Variants in CCDC60 observed in about 807,000 individuals in gnomAD.
CCDC60 encodes the protein coiled-coil domain containing 60.
Under a neutral mutation model 63.5 loss-of-function variants are expected in CCDC60, and 54 were observed. The ratio of observed to expected loss-of-function variants is 0.85; its 90% CI spans 0.68 to 1.07. The LOEUF is 1.07. Among genes scored for constraint, CCDC60 ranks in the 50% least tolerant of loss-of-function variants. CCDC60 has a pLI of 0.00. For synonymous variants in CCDC60, 206 were observed against 238.8 expected (o/e 0.86, Z 1.27); for missense variants, 651 against 684.3 (o/e 0.95, Z 0.54).
chr12:119,493,349 GA>G (rs768799990), intron 5 of CCDC60, among the ~76,000 whole-genome samples: 66 of 152,200 alleles, frequency 4.3e-4, no homozygotes, highest in Middle Eastern at 3.4e-3. Context: ...ATACCTCAAT[GA>G]GGGCTTTCTA....
chr12:119,522,081 G>C (rs1952543609), intron 9 of CCDC60, among the ~76,000 whole-genome samples: 1 of 152,286 alleles, frequency 6.6e-6, no homozygotes, highest in African/African-American at 2.4e-5. Flanking sequence ...TAGAAGCAAA[G>C]GGTTACCCAC....
At chr12:119,522,441 G>A (rs1002388519) in intron 9 of CCDC60, among the ~76,000 whole-genome samples, 2 of 152,202 alleles carry the variant, frequency 1.3e-5, no homozygotes, top group Non-Finnish European at 2.9e-5. Flanking sequence ...ATCCAGAAGG[G>A]AGCTGCTTGC....
At chr12:119,463,481 A>G (rs996789540) in intron 2 of CCDC60, among the ~76,000 whole-genome samples, 3 of 152,208 alleles carry the variant, frequency 2.0e-5, no homozygotes, top group Admixed American at 6.5e-5. Flanking sequence ...TTTCCTGACC[A>G]CAGTTTCCTT....
At chr12:119,490,057 A>C (rs1183410352) in intron 5 of CCDC60, among the ~76,000 whole-genome samples, 2 of 152,058 alleles carry the variant, frequency 1.3e-5, no homozygotes, top group Non-Finnish European at 2.9e-5. Context: ...CGGCCTCCCA[A>C]AGTATTGGGA....
chr12:119,406,090 G>A (rs1344383934), intron 1 of CCDC60, among the ~76,000 whole-genome samples: 1 of 152,156 alleles, frequency 6.6e-6, no homozygotes. Context: ...AGAATCGCTT[G>A]AACCCGGGAG....
At chr12:119,378,903 G>A (rs919224511) in intron 1 of CCDC60, among the ~76,000 whole-genome samples, 11 of 152,172 alleles carry the variant, frequency 7.2e-5, no homozygotes, top group Middle Eastern at 6.3e-3. Flanking sequence ...CTCTGTACAT[G>A]GTGGGTAAGC....
At chr12:119,400,175 G>C (rs1028299597) in intron 1 of CCDC60, among the ~76,000 whole-genome samples, 1 of 150,160 alleles carries the variant, frequency 6.7e-6, no homozygotes, top group Non-Finnish European at 1.5e-5. Flanking sequence ...TCAGCCTCCC[G>C]AGTAGCTGGG....
chr12:119,505,452 G>C (rs1367295589), intron 7 of CCDC60, 149 bp downstream of exon 7: 5 of 606,542 alleles, frequency 8.2e-6, no homozygotes, highest in Non-Finnish European at 1.4e-5. Context: ...GGACCTCTTT[G>C]TTTTCCCCAG....
rs768617878 is a variant in CCDC60, at chr12:119,522,942, G to A, written c.1044G>A (p.Glu348=). 6.2e-7 allele frequency: 1 copy of A among 1,614,050 alleles called. No individual in the cohort carries two copies. The highest frequency in any genetic ancestry group is 8.5e-7 in the Non-Finnish European group (1 of 1,179,920). ...AAACCATCCTTTTGTGTTTCAGTGA[G>A]AGATCCAGCAGTACAAGTGCAGAAA... The part of the protein sequence containing the change: ...KEMQTTLKSS[E]RSSSTSAESH... Residue 348 remains glutamate, a synonymous_variant, in exon 10 of 14, where the codon GAG becomes GAA. Coordinates refer to ENST00000327554, the MANE Select transcript of CCDC60 (RefSeq NM_178499.5).
intron 1 of CCDC60, among the ~76,000 whole-genome samples, chr12:119,348,611 G>A (rs991343541): frequency 4.6e-5 from 7 of 152,238 alleles, no homozygotes; most frequent in East Asian, 1.9e-4. Flanking sequence ...ATAGAATCTC[G>A]TGAAGATTCA....
rs1950755801 is a variant in CCDC60 at position 119,456,695 on chromosome 12, A to G, written c.171-15299A>G. Among the ~76,000 whole-genome samples, 1 of 152,236 alleles carries G rather than the reference A, an allele frequency of 6.6e-6. No homozygotes were observed. The highest frequency in any genetic ancestry group is 1.5e-5 in the Non-Finnish European group (1 of 68,032). On this transcript the variant is annotated intron_variant, in intron 2 of 13. Transcript: ENST00000327554. The surrounding 1 kb of genome is among the most constrained non-coding windows in gnomAD (Gnocchi z 4.6). ...TTATTTCCTGATGATATGCTAAACA[A>G]GGGGTGGATTATTGATGCCTCCCCT...
chr12:119,358,090 G>C (rs538965237), intron 1 of CCDC60, among the ~76,000 whole-genome samples: 1 of 152,180 alleles, frequency 6.6e-6, no homozygotes, highest in African/African-American at 2.4e-5. Flanking sequence ...GTACCAAGGG[G>C]GATGGTGCTA....
At chr12:119,511,331 C>A (rs1264786781) in intron 7 of CCDC60, among the ~76,000 whole-genome samples, 1 of 152,212 alleles carries the variant, frequency 6.6e-6, no homozygotes, top group East Asian at 1.9e-4. Context: ...ATAATGAAGT[C>A]TTTGTTGATG....
At chr12:119,483,516 T>G (rs1484828038) in intron 4 of CCDC60, among the ~76,000 whole-genome samples, 2 of 152,250 alleles carry the variant, frequency 1.3e-5, no homozygotes, top group Admixed American at 1.3e-4. Flanking sequence ...CCACAGCCTT[T>G]AATGAGTGAT....
In CCDC60 at chr12:119,507,570, G is replaced by A. The variant is rs11064818; in HGVS notation, c.883+2267G>A. Among the ~76,000 whole-genome samples the A allele has an allele frequency of 8.1e-3, 367 of 45,254 alleles. 1 individual carries two copies. Among genetic ancestry groups the A allele is most frequent in the South Asian group, 0.015 (16 of 1,046 alleles). The allele number at this position is 45,254 out of a possible 152,430, so 29.7% of individuals were successfully genotyped here. A position where few individuals can be genotyped will look rare whatever the true frequency, so the allele number is the denominator to read the frequency against. ...TATATACATATATATATATATATATGTATATATACACATATATATACATAT... is the reference window on the plus strand; with the variant it reads ...TATATACATATATATATATATATATATATATATACACATATATATACATAT... On this transcript the variant is annotated intron_variant, in intron 7 of 13. Coordinates refer to ENST00000327554, the MANE Select transcript of CCDC60 (RefSeq NM_178499.5).
At chr12:119,376,375 C>T (rs1218518598) in intron 1 of CCDC60, among the ~76,000 whole-genome samples, 2 of 152,164 alleles carry the variant, frequency 1.3e-5, no homozygotes, top group African/African-American at 2.4e-5. Context: ...TGCCTGTAAT[C>T]GCAGCACTTT....
intron 1 of CCDC60, chr12:119,387,909 A>G (rs1159188118): frequency 6.6e-6 from 1 of 152,216 alleles, no homozygotes; most frequent in Non-Finnish European, 1.5e-5. Flanking sequence ...ATTTGGACAC[A>G]TAAGGCCCCA....
chr12:119,433,310 C>A, intron 2 of CCDC60: 1 of 668,862 alleles, frequency 1.5e-6, no homozygotes, highest in South Asian at 1.6e-5. Context: ...TTCAGTTGGT[C>A]AGCTGAGTCT....
intron 2 of CCDC60, among the ~76,000 whole-genome samples, chr12:119,431,021 G>A (rs921145106): frequency 7.9e-5 from 12 of 152,154 alleles, no homozygotes; most frequent in African/African-American, 2.7e-4. Flanking sequence ...CAAATTGAGG[G>A]CCTAGAGCCA....
Sources: gnomAD v4.1 joint callset for allele counts (sites outside exome capture counted in the v4.1 genomes callset) on GRCh38, gnomAD v4.1.1 for gene constraint, Gnocchi (gnomAD v3.1) non-coding constraint, MANE v1.5 for transcripts, NCBI Gene and HGNC (gene_info 2026-07-23, HGNC 2026-07-21) for gene names.